Variants in CRY1 observed in about 807,000 individuals in gnomAD.
CRY1 encodes the protein cryptochrome-1.
In CRY1, 45 loss-of-function variants were observed where a neutral mutation model predicts 76.0. That is an observed-to-expected ratio of 0.59 (90% CI 0.47 to 0.76). The LOEUF is 0.76. Among genes scored for constraint, CRY1 ranks in the 30% least tolerant of loss-of-function variants. The probability of loss-of-function intolerance (pLI) is 0.00; values close to 1 mark genes in which losing one functional copy is unlikely to be tolerated. For missense variants in CRY1, 587 were observed against 716.4 expected (o/e 0.82, Z 2.06); for synonymous variants, 248 against 244.0 (o/e 1.02, Z -0.15).
At chr12:107,024,567 G>A (rs1952588173) in intron 1 of CRY1, among the ~76,000 whole-genome samples, 2 of 152,014 alleles carry the variant, frequency 1.3e-5, no homozygotes, top group Admixed American at 6.6e-5. Flanking sequence ...TGTAGAGGTG[G>A]GGTCTCCCCA....
chr12:107,039,237 G>C (rs1952769903), intron 1 of CRY1, among the ~76,000 whole-genome samples: 1 of 152,150 alleles, frequency 6.6e-6, no homozygotes, highest in African/African-American at 2.4e-5. Flanking sequence ...ACTCCTACAA[G>C]AAAACAGAGG....
chr12:107,090,320 G>T (rs369645398), intron 1 of CRY1, among the ~76,000 whole-genome samples: 23 of 151,870 alleles, frequency 1.5e-4, no homozygotes, highest in African/African-American at 5.6e-4. Flanking sequence ...CTCAAACTCC[G>T]GGCCTCAAGT....
chr12:107,021,657 C>T (rs1345361), intron 2 of CRY1, among the ~76,000 whole-genome samples: 107,452 of 151,860 alleles, frequency 0.71, 39,038 homozygotes, highest in East Asian at 0.97. Flanking sequence ...ACAAAGGGGA[C>T]AGTAACACAG....
chr12:107,079,528 C>G (rs988728055), intron 1 of CRY1, among the ~76,000 whole-genome samples: 2 of 152,172 alleles, frequency 1.3e-5, no homozygotes, highest in Non-Finnish European at 2.9e-5. Context: ...GCCTGTTTGA[C>G]TCAGGCAACC....
Position 106,993,022 on chromosome 12 carries a change from T to C in CRY1, c.1600A>G (p.Ser534Gly). Residue 534 changes from serine to glycine, a missense_variant, in exon 11 of 13, where the codon AGT becomes GGT. By Grantham distance (56) the Ser-to-Gly change is moderately conservative. Transcript: ENST00000008527. ...CCATGAGCATAGTGTAAAATACCAC[T>C]CCCTTGAGAGCAACCTGTTAGTATT... ...CSSSGSCSQG[S>G]GILHYAHGDS... The C allele has an allele frequency of 6.2e-7, 1 of 1,614,006 alleles. No individual in the cohort carries two copies. Among genetic ancestry groups the C allele is most frequent in the South Asian group, 1.1e-5 (1 of 91,082 alleles).
At chr12:107,021,261 C>T (rs11610010) in intron 2 of CRY1, among the ~76,000 whole-genome samples, 17,814 of 151,810 alleles carry the variant, frequency 0.12, 1,705 homozygotes, top group African/African-American at 0.25. Flanking sequence ...CTAGCCTGGG[C>T]GACAAGAGCA....
chr12:107,035,275 A>T (rs1380845454), intron 1 of CRY1, among the ~76,000 whole-genome samples: 1 of 152,198 alleles, frequency 6.6e-6, no homozygotes, highest in East Asian at 1.9e-4. Context: ...TCTCGTACTG[A>T]CATTACTGCA....
chr12:107,009,299 G>A (rs1020748045), intron 2 of CRY1, among the ~76,000 whole-genome samples: 2 of 151,830 alleles, frequency 1.3e-5, no homozygotes, highest in African/African-American at 4.8e-5. Context: ...AGCTCTTTGG[G>A]AGGCTGAGGC....
chr12:107,044,698 A>G (rs1952831486), intron 1 of CRY1, among the ~76,000 whole-genome samples: 1 of 152,180 alleles, frequency 6.6e-6, no homozygotes, highest in Non-Finnish European at 1.5e-5. Context: ...CCAAACAAAA[A>G]CGCTGTAGCT....
At chr12:106,996,903 C>A (rs143289025) in intron 10 of CRY1, among the ~76,000 whole-genome samples, 1 of 152,140 alleles carries the variant, frequency 6.6e-6, no homozygotes, top group East Asian at 1.9e-4. Context: ...TGCATGTGTA[C>A]AATAAATCTT....
intron 1 of CRY1, among the ~76,000 whole-genome samples, chr12:107,061,112 AAC>A (rs1953041219): frequency 6.6e-6 from 1 of 152,220 alleles, no homozygotes. Flanking sequence ...CTATGGCTAT[AAC>A]AACTATTTAA....
intron 1 of CRY1, among the ~76,000 whole-genome samples, chr12:107,038,370 T>C (rs556341190): frequency 3.0e-4 from 45 of 151,978 alleles, no homozygotes; most frequent in Non-Finnish European, 5.1e-4. Context: ...GAAGGAATGA[T>C]AGAGAAGGCT....
intron 1 of CRY1, among the ~76,000 whole-genome samples, chr12:107,025,145 C>G (rs538350548): frequency 6.6e-5 from 10 of 152,094 alleles, no homozygotes; most frequent in Non-Finnish European, 1.3e-4. Context: ...CATATCTCCC[C>G]GTTAGGGAGT....
intron 1 of CRY1, among the ~76,000 whole-genome samples, chr12:107,039,056 C>T (rs758047340): frequency 4.6e-5 from 7 of 152,086 alleles, no homozygotes; most frequent in Non-Finnish European, 8.8e-5. Context: ...ACCTGGAAGG[C>T]GGAAGTTGCA....
intron 3 of CRY1, among the ~76,000 whole-genome samples, chr12:107,004,327 A>C (rs944843975): frequency 3.3e-5 from 5 of 152,224 alleles, no homozygotes; most frequent in African/African-American, 9.6e-5. Flanking sequence ...CAAATCAACT[A>C]GTTTGTCATG....
intron 1 of CRY1, among the ~76,000 whole-genome samples, chr12:107,092,571 A>C (rs1953484650): frequency 6.6e-6 from 1 of 152,192 alleles, no homozygotes; most frequent in African/African-American, 2.4e-5. Flanking sequence ...TCCAGTTAGC[A>C]CAGAAAGACA....
At chr12:107,007,909 C>T (rs1471352856) in intron 2 of CRY1, among the ~76,000 whole-genome samples, 1 of 152,118 alleles carries the variant, frequency 6.6e-6, no homozygotes, top group Non-Finnish European at 1.5e-5. Flanking sequence ...ACACTTCCTG[C>T]CCCTTTTCCT....
intron 1 of CRY1, among the ~76,000 whole-genome samples, chr12:107,033,729 A>T (rs1952703835): frequency 6.6e-6 from 1 of 151,946 alleles, no homozygotes; most frequent in Non-Finnish European, 1.5e-5. Flanking sequence ...TAACATCCCT[A>T]ATCTGAAAAA....
intron 5 of CRY1, among the ~76,000 whole-genome samples, chr12:107,000,664 T>C (rs989085428): frequency 1.3e-5 from 2 of 151,338 alleles, no homozygotes; most frequent in Non-Finnish European, 2.9e-5. Context: ...TATTTATTTA[T>C]TTTGAGATGG....
Sources: allele counts gnomAD v4.1 joint callset (sites outside exome capture counted in the v4.1 genomes callset), GRCh38; gene constraint gnomAD v4.1.1; transcripts MANE v1.5; gene names NCBI Gene and HGNC (gene_info 2026-07-23, HGNC 2026-07-21).